ABCG2: variants seen among roughly 807,000 people sequenced by gnomAD.
ABCG2 encodes the protein ATP binding cassette subfamily G member 2 (JR blood group).
A neutral mutation model predicts 73.5 loss-of-function variants in ABCG2; 80 were observed. That is an observed-to-expected ratio of 1.09 (90% confidence interval 0.91 to 1.31). The LOEUF (loss-of-function observed/expected upper bound fraction) is 1.31, where lower values mean the gene tolerates loss of function less well. Among genes scored for constraint, ABCG2 ranks in the 50% most tolerant of loss-of-function variants. The pLI is 0.00. For missense variants in ABCG2, 796 were observed against 786.2 expected, an observed-to-expected ratio of 1.01 and a Z score of -0.15; for synonymous variants, 269 against 282.4, an observed-to-expected ratio of 0.95 and a Z score of 0.48.
rs1660882859 is a variant in ABCG2 at position 88,164,504 on chromosome 4, C to T, written c.-19-24490G>A. ...CGCGCTCTGATGGTTTCATAAGGGG[C>T]TTTTCCCCTTTTGCTCGGCACTTCT... On this transcript the variant is annotated intron_variant, in intron 1 of 15. Coordinates refer to the ABCG2 transcript ENST00000515655. 2.0e-5 allele frequency among the ~76,000 whole-genome samples: 3 copies of T among 152,234 alleles called. No homozygotes were observed. In the South Asian group the frequency reaches 6.2e-4, roughly 32 times the overall value.
chr4:88,154,917 G>A lies in ABCG2; in HGVS notation c.-20+3469C>T, dbSNP rs112472468. On this transcript the variant is annotated intron_variant, in intron 1 of 15. Transcript: ENST00000237612. The stretch of plus-strand genomic sequence containing the variant: ...ATTAGGGCGGCGGCAGCCACTGCAC[G>A]GAGACATGATGGCTAGGCTAAAACA... Among the ~76,000 whole-genome samples, 819 of 152,312 alleles carry A rather than the reference G, an allele frequency of 5.4e-3. 3 individuals carry two copies. Among genetic ancestry groups the A allele is most frequent in the African/African-American group, 0.018 (748 of 41,562 alleles).
intron 1 of ABCG2, among the ~76,000 whole-genome samples, chr4:88,211,049 C>G (rs929331803): frequency 3.3e-5 from 5 of 151,740 alleles, no homozygotes; most frequent in Non-Finnish European, 4.4e-5. Context: ...GGATTAACCA[C>G]TGCACTCTAG....
intron 1 of ABCG2, among the ~76,000 whole-genome samples, chr4:88,176,477 C>CTTTTT (rs34754034): frequency 1.1e-4 from 9 of 84,856 alleles, no homozygotes; most frequent in Admixed American, 1.7e-4. Context: ...AAAGAGAATG[C>CTTTTT]TTTTTTTTTT....
chr4:88,144,101 C>T (rs1725813635), intron 1 of ABCG2, among the ~76,000 whole-genome samples: 1 of 152,144 alleles, frequency 6.6e-6, no homozygotes, highest in African/African-American at 2.4e-5. Flanking sequence ...AACGAGATGT[C>T]CCTACAACAA....
intron 2 of ABCG2, among the ~76,000 whole-genome samples, chr4:88,137,060 T>TAAAATA (rs1271680412): frequency 3.4e-5 from 5 of 145,984 alleles, no homozygotes; most frequent in African/African-American, 1.3e-4. Flanking sequence ...TAAAATAAAA[T>TAAAATA]AAGAATGAGG....
intron 2 of ABCG2, among the ~76,000 whole-genome samples, chr4:88,136,933 A>G (rs1578216008): frequency 1.4e-5 from 2 of 141,420 alleles, no homozygotes; most frequent in South Asian, 4.5e-4. Context: ...AATCTCTTGA[A>G]CCCAGGAGCC....
intron 1 of ABCG2, among the ~76,000 whole-genome samples, chr4:88,223,504 C>A (rs1157160133): frequency 6.6e-6 from 1 of 152,128 alleles, no homozygotes; most frequent in African/African-American, 2.4e-5. Flanking sequence ...TTGCTGCTGC[C>A]ATGTGAAGAA....
chr4:88,136,527 G>A (rs1456881663), intron 2 of ABCG2, among the ~76,000 whole-genome samples: 7 of 152,176 alleles, frequency 4.6e-5, no homozygotes, highest in Middle Eastern at 3.4e-3. Context: ...GAAACATAGT[G>A]AAACCCTATC....
At chr4:88,156,796 T>G (rs538528081) in intron 1 of ABCG2, among the ~76,000 whole-genome samples, 1 of 152,278 alleles carries the variant, frequency 6.6e-6, no homozygotes, top group South Asian at 2.1e-4. Flanking sequence ...GCAAACAGAT[T>G]AACATCATAG....
rs552406396 is a variant in ABCG2, at chr4:88,103,989, A to T, written c.1278-2670T>A. Among the ~76,000 whole-genome samples, 194 of 152,362 alleles carry T rather than the reference A, an allele frequency of 1.3e-3. 1 individual carries two copies. The highest frequency in any genetic ancestry group is 4.5e-3 in the African/African-American group (186 of 41,588). On this transcript the variant is annotated intron_variant, in intron 10 of 15. Transcript: ENST00000237612. ...TGATTCCGTATCTTGGCTATTGTGA[A>T]CAATGCTGCAATAAATATGAGGGTG...
At chr4:88,177,351 C>T (rs34565878) in intron 1 of ABCG2, among the ~76,000 whole-genome samples, 5 of 148,904 alleles carry the variant, frequency 3.4e-5, no homozygotes, top group African/African-American at 1.2e-4. Context: ...CCAGCCTGGG[C>T]GACAGAGCGA....
chr4:88,095,744 C>T, intron 13 of ABCG2, 135 bp from the exon 14 acceptor site: 1 of 679,266 alleles, frequency 1.5e-6, no homozygotes, highest in Non-Finnish European at 2.6e-6. Context: ...GTTCTCTCCA[C>T]TTACTCAAGA....
intron 11 of ABCG2, among the ~76,000 whole-genome samples, chr4:88,099,745 C>T (rs567124963): frequency 6.6e-6 from 1 of 152,306 alleles, no homozygotes; most frequent in East Asian, 1.9e-4. Flanking sequence ...CACACATCCT[C>T]CCTCTCTTCA....
chr4:88,107,759 T>A (rs1722856134), intron 9 of ABCG2, among the ~76,000 whole-genome samples: 1 of 152,174 alleles, frequency 6.6e-6, no homozygotes, highest in African/African-American at 2.4e-5. Context: ...ACATTAAAAA[T>A]AAATAAAAAT....
chr4:88,231,315 C>T (rs1232484346), exon 1 of ABCG2: 1 of 152,114 alleles, frequency 6.6e-6, no homozygotes, highest in Non-Finnish European at 1.5e-5. Context: ...CCTTGGGTTC[C>T]TTTTTTCTCC....
chr4:88,171,881 G>A (rs1426910277), intron 1 of ABCG2, among the ~76,000 whole-genome samples: 2 of 152,154 alleles, frequency 1.3e-5, no homozygotes, highest in Non-Finnish European at 2.9e-5. Context: ...CTACTCAGAA[G>A]GTCGAAGCAG....
rs769013454 is a variant in ABCG2 at position 88,099,375 on chromosome 4, T to C, written c.1441A>G (p.Met481Val). 1.2e-6 allele frequency: 2 copies of C among 1,611,958 alleles called. No individual in the cohort carries two copies. Among genetic ancestry groups the C allele is most frequent in the Non-Finnish European group, 8.5e-7 (1 of 1,178,892 alleles). The change falls in exon 12 of 16, where the codon ATG (methionine) becomes GTG (valine). Residue 481 changes from methionine to valine, a missense_variant. By Grantham distance (21) the Met-to-Val change is conservative. Coordinates refer to ENST00000237612, the MANE Select transcript of ABCG2 (RefSeq NM_004827.3). ...LGKLLSDLLP[M>V]RMLPSIIFTC... ...AATATAATACTTGGTAACATCCTCATGGGTAATAAATCAGATAACAGTTTT... is the reference window on the plus strand; with the variant it reads ...AATATAATACTTGGTAACATCCTCACGGGTAATAAATCAGATAACAGTTTT...
rs377316378 is a variant in ABCG2, at chr4:88,168,560, GA to G, written c.-19-28547del. ...TCACTTCTAAAAATTAGACTGCAGT[GA>G]AAAAAAAAAAACTACGTATTGATAA... On this transcript the variant is annotated intron_variant, in intron 1 of 15. Coordinates refer to the ABCG2 transcript ENST00000515655. Among the ~76,000 whole-genome samples the G allele has an allele frequency of 4.5e-3, 635 of 140,790 alleles. 4 individuals are homozygous for G. Among genetic ancestry groups the G allele is most frequent in the African/African-American group, 0.014 (537 of 38,396 alleles). The allele number at this position is 140,790 out of a possible 152,430, so 92.4% of individuals were successfully genotyped here.
chr4:88,192,608 C>A (rs180872136), intron 1 of ABCG2, among the ~76,000 whole-genome samples: 3 of 151,666 alleles, frequency 2.0e-5, no homozygotes, highest in Admixed American at 2.0e-4. Flanking sequence ...TTAGAAGAGA[C>A]GGAGTTTACC....
Sources: allele counts gnomAD v4.1 joint callset (sites outside exome capture counted in the v4.1 genomes callset), GRCh38; gene constraint gnomAD v4.1.1; transcripts MANE v1.5; gene names NCBI Gene and HGNC (gene_info 2026-07-23, HGNC 2026-07-21).